CEP350: variants seen among roughly 807,000 people sequenced by gnomAD.
CEP350 encodes the protein centrosomal protein 350.
A neutral mutation model predicts 331.8 loss-of-function variants in CEP350; 126 were observed. That is an observed-to-expected ratio of 0.38 (90% CI 0.33 to 0.44). The LOEUF (loss-of-function observed/expected upper bound fraction) is 0.44. Among genes scored for constraint, CEP350 ranks in the 20% least tolerant of loss-of-function variants. The pLI is 1.00. For missense variants in CEP350, 3,406 were observed against 3,634.6 expected (o/e 0.94, Z 1.62); for synonymous variants, 1,200 against 1,259.5 (o/e 0.95, Z 1.00).
At position 180,037,062 on chromosome 1, in the gene CEP350, G is replaced by T; in HGVS notation, c.4083G>T (p.Glu1361Asp). ...RVRGISLAQQ[E>D]SVSLAQIIKA... ...GAGGCATTTCACTTGCTCAGCAGGA[G>T]AGTGTGTCTCTAGCTCAGATAATAA... Residue 1361 changes from glutamate to aspartate, a missense_variant, in exon 17 of 38, where the codon GAG becomes GAT. Around this residue, in one of 5 missense-constraint regions of CEP350, gnomAD observed 1,857 missense variants for 1,909.2 expected, o/e 0.97. Transcript: ENST00000367607. The T allele has an allele frequency of 6.2e-7, 1 of 1,604,924 alleles. No homozygotes were observed. Among genetic ancestry groups the T allele is most frequent in the South Asian group, 1.1e-5 (1 of 88,978 alleles).
chr1:180,048,541 G>T lies in CEP350; in HGVS notation c.4628G>T (p.Ser1543Ile). Reference sequence around the variant, plus strand: ...TTCCATGTATCCATAAAAAGAAGTAGCAGTGGTAGCAGCCGCCAAGAAAGT... The same window carrying T: ...TTCCATGTATCCATAAAAAGAAGTATCAGTGGTAGCAGCCGCCAAGAAAGT... ...SGYKNHDRRS[S>I]SGSSRQESPS... The change falls in exon 22 of 38, where the codon AGC becomes ATC. Residue 1543 changes from serine (S) to isoleucine (I), a missense_variant. Physicochemically the swap from Ser to Ile is moderately radical, Grantham distance 142 (BLOSUM62 -2). Around this residue, in one of 5 missense-constraint regions of CEP350, gnomAD observed 1,857 missense variants for 1,909.2 expected, o/e 0.97. Coordinates refer to ENST00000367607, the MANE Select transcript of CEP350 (RefSeq NM_014810.5). The T allele has an allele frequency of 6.3e-7, 1 of 1,594,856 alleles. No individual in the cohort carries two copies. The highest frequency in any genetic ancestry group is 8.6e-7 in the Non-Finnish European group (1 of 1,167,648).
At chr1:180,045,614 TACTGACACCTTC>T (rs1216711635) in intron 21 of CEP350, among the ~76,000 whole-genome samples, 1 of 152,220 alleles carries the variant, frequency 6.6e-6, no homozygotes, top group African/African-American at 2.4e-5. Context: ...ATTTAACCTT[TACTGACACCTTC>T]ACTGAAACTT....
chr1:180,024,395 C>G, intron 13 of CEP350, 24 bp from the exon 14 acceptor site: 3 of 1,584,000 alleles, frequency 1.9e-6, no homozygotes, highest in Non-Finnish European at 2.6e-6. Context: ...CTTTCTGGAA[C>G]TACTATTATT....
chr1:180,081,644 CAT>C (rs1659572638), intron 30 of CEP350, among the ~76,000 whole-genome samples: 1 of 152,190 alleles, frequency 6.6e-6, no homozygotes, highest in Non-Finnish European at 1.5e-5. Flanking sequence ...ACTCTCAGGA[CAT>C]ATGGTATAGC....
rs746387298 is a variant in CEP350, at chr1:180,043,152, G to A, written c.4459G>A (p.Asp1487Asn). 6.2e-7 allele frequency: 1 copy of A among 1,613,616 alleles called. No homozygotes were observed. The highest frequency in any genetic ancestry group is 1.3e-5 in the African/African-American group (1 of 74,914). Residue 1487 changes from aspartate (D) to asparagine (N), a missense_variant, in exon 20 of 38, where the codon GAC becomes AAC. Physicochemically the swap from Asp to Asn is conservative, Grantham distance 23. Around this residue, in one of 5 missense-constraint regions of CEP350, gnomAD observed 1,857 missense variants for 1,909.2 expected, o/e 0.97. Transcript: ENST00000367607. ...TGACCACCAACGGCAGCACCTTCCA[G>A]ACTTTGTGAAACAGCTGAGGACCAG... The part of the protein sequence containing the change: ...LYDHQRQHLP[D>N]FVKQLRTRTE...
chr1:180,100,237 A>G (rs1273852353), intron 37 of CEP350, among the ~76,000 whole-genome samples: 1 of 152,232 alleles, frequency 6.6e-6, no homozygotes, highest in Non-Finnish European at 1.5e-5. Flanking sequence ...TTGTTTTACA[A>G]ATGAGGAAAT....
intron 22 of CEP350, chr1:180,052,126 C>G: frequency 2.3e-6 from 1 of 436,794 alleles, no homozygotes; most frequent in South Asian, 1.6e-5. Context: ...CATATATTAC[C>G]TAGCTCTGTC....
intron 16 of CEP350, among the ~76,000 whole-genome samples, chr1:180,036,167 A>G (rs1208952633): frequency 1.3e-5 from 2 of 152,224 alleles, no homozygotes; most frequent in Non-Finnish European, 2.9e-5. Flanking sequence ...ATGTTACTGA[A>G]TTGCTGCAGT....
chr1:179,971,707 C>CT (rs555768663), intron 1 of CEP350, among the ~76,000 whole-genome samples: 56 of 152,256 alleles, frequency 3.7e-4, no homozygotes, highest in Non-Finnish European at 6.5e-4. Context: ...TTTTTCAACT[C>CT]TTTTTAGTGT....
At chr1:180,072,288 G>T (rs112363137) in intron 27 of CEP350, among the ~76,000 whole-genome samples, 172 of 152,136 alleles carry the variant, frequency 1.1e-3, no homozygotes, top group African/African-American at 3.7e-3. Flanking sequence ...TTTAATAGAG[G>T]AAAATTATTG....
chr1:180,047,744 G>C (rs1312230113), intron 21 of CEP350, among the ~76,000 whole-genome samples: 1 of 46,904 alleles, frequency 2.1e-5, no homozygotes, highest in African/African-American at 8.8e-5. Flanking sequence ...CTGGGCGACA[G>C]AATGAAACTC....
At chr1:179,990,063 C>T (rs914775039) in intron 3 of CEP350, among the ~76,000 whole-genome samples, 3 of 151,936 alleles carry the variant, frequency 2.0e-5, no homozygotes, top group African/African-American at 4.8e-5. Flanking sequence ...GTGGCGCACG[C>T]CTGTAATCCC....
intron 1 of CEP350, among the ~76,000 whole-genome samples, chr1:179,969,705 C>T (rs796904365): frequency 8.5e-5 from 13 of 152,202 alleles, no homozygotes; most frequent in African/African-American, 3.1e-4. Flanking sequence ...GTAATCCCAG[C>T]TACTTGGGAG....
At chr1:180,019,527 T>A (rs1041986060) in intron 11 of CEP350, among the ~76,000 whole-genome samples, 1 of 152,190 alleles carries the variant, frequency 6.6e-6, no homozygotes, top group Admixed American at 6.5e-5. Context: ...TATTTAGCAA[T>A]TTTAAGCATT....
chr1:180,058,119 A>G (rs1657971197), intron 25 of CEP350, among the ~76,000 whole-genome samples: 1 of 152,200 alleles, frequency 6.6e-6, no homozygotes, highest in Non-Finnish European at 1.5e-5. Flanking sequence ...CTGTCTTGGT[A>G]TATATCCTAA....
chr1:180,063,232 C>A (rs1014630493), intron 26 of CEP350, among the ~76,000 whole-genome samples: 3 of 145,498 alleles, frequency 2.1e-5, no homozygotes, highest in Non-Finnish European at 4.5e-5. Context: ...ACTCTGTCAC[C>A]TGGACTGGAA....
At chr1:180,053,279 G>T (rs1657622789) in intron 23 of CEP350, 113 bp downstream of exon 23, 1 of 533,276 alleles carries the variant, frequency 1.9e-6, no homozygotes, top group African/African-American at 2.0e-5. Context: ...ATTTTTCTAA[G>T]ATATCAGTTT....
chr1:180,027,589 T>C (rs1655764654), intron 14 of CEP350, among the ~76,000 whole-genome samples: 1 of 152,154 alleles, frequency 6.6e-6, no homozygotes, highest in African/African-American at 2.4e-5. Flanking sequence ...TCTGCCATAT[T>C]ATCTAGGCTG....
chr1:180,065,563 T>C (rs750467863), intron 27 of CEP350, among the ~76,000 whole-genome samples: 11 of 151,724 alleles, frequency 7.3e-5, no homozygotes, highest in Non-Finnish European at 1.6e-4. Flanking sequence ...AGGAGGATCA[T>C]CTGAGCCCAG....
Sources: allele counts gnomAD v4.1 joint callset (sites outside exome capture counted in the v4.1 genomes callset), GRCh38; gene constraint gnomAD v4.1.1; regional missense constraint gnomAD v4.1.1; transcripts MANE v1.5; gene names NCBI Gene and HGNC (gene_info 2026-07-23, HGNC 2026-07-21).